ZNF608: variants seen among roughly 807,000 people sequenced by gnomAD.
ZNF608 encodes renal carcinoma antigen NY-REN-36.
ZNF608 carries 12 observed loss-of-function variants against 109.0 expected under a neutral mutation model. The observed-to-expected ratio is 0.11, with a 90% confidence interval of 0.07 to 0.18. The LOEUF (loss-of-function observed/expected upper bound fraction) is 0.18. Ranked by LOEUF, ZNF608 falls within the 10% of genes least tolerant of loss-of-function variation. ZNF608 has a pLI of 1.00. For synonymous variants in ZNF608, 732 were observed against 717.4 expected (o/e 1.02, Z -0.33); for missense variants, 1,707 against 1,879.3 (o/e 0.91, Z 1.70).
At chr5:124,737,051 G>C (rs762418537) in intron 2 of ZNF608, among the ~76,000 whole-genome samples, 8 of 152,050 alleles carry the variant, frequency 5.3e-5, no homozygotes, top group Non-Finnish European at 1.0e-4. Context: ...GGAAATAAGA[G>C]GAAAAGAAAA....
chr5:124,746,841 G>C, upstream of ZNF608: 1 of 914,778 alleles, frequency 1.1e-6, no homozygotes, highest in Non-Finnish European at 1.3e-6. Flanking sequence ...GAAAGGGTGG[G>C]ATGAGAAACT....
chr5:124,741,709 C>A (rs1749413496), intron 2 of ZNF608, among the ~76,000 whole-genome samples: 1 of 152,158 alleles, frequency 6.6e-6, no homozygotes, highest in Non-Finnish European at 1.5e-5. Context: ...TTTGATGCAA[C>A]CACTAGTTAG....
intron 3 of ZNF608, among the ~76,000 whole-genome samples, chr5:124,696,858 C>T (rs560524261): frequency 6.6e-6 from 1 of 152,252 alleles, no homozygotes; most frequent in East Asian, 1.9e-4. Flanking sequence ...AGGGCTAAGA[C>T]ATCAACTCTT....
upstream of ZNF608, chr5:124,748,456 G>C (rs1749714421): frequency 1.3e-6 from 1 of 796,832 alleles, no homozygotes; most frequent in Non-Finnish European, 1.5e-6. Flanking sequence ...TCATTTCTAT[G>C]CATAAAACTC....
At chr5:124,662,450 A>G (rs1033387756) in intron 3 of ZNF608, among the ~76,000 whole-genome samples, 4 of 152,240 alleles carry the variant, frequency 2.6e-5, no homozygotes, top group African/African-American at 9.6e-5. Flanking sequence ...ACTGGGGACT[A>G]AGGCGTGTGA....
chr5:124,739,908 G>A (rs898317284), intron 2 of ZNF608, among the ~76,000 whole-genome samples: 2 of 151,948 alleles, frequency 1.3e-5, no homozygotes, highest in African/African-American at 4.8e-5. Flanking sequence ...TAGCACTTTC[G>A]GCATACATTT....
rs1055705485 is a variant in ZNF608 at position 124,637,163 on chromosome 5, T to C, written c.*737A>G. On this transcript the variant is annotated 3_prime_UTR_variant, in exon 10 of 10. Coordinates refer to ENST00000513986, the MANE Select transcript of ZNF608 (RefSeq NM_020747.3). ...ACAGATGTCTCTGGTACGCAGGCTA[T>C]TGGGTTATTTGCCATTCAAGATTAT... 6.6e-6 allele frequency: 1 copy of C among 152,506 alleles called. No individual in the cohort carries two copies. Among genetic ancestry groups the C allele is most frequent in the Non-Finnish European group, 1.5e-5 (1 of 68,010 alleles). The allele number at this position is 152,506 out of a possible 1,614,324, so 9.4% of individuals were successfully genotyped here.
chr5:124,703,759 C>A (rs913420193), intron 2 of ZNF608, among the ~76,000 whole-genome samples: 1 of 152,106 alleles, frequency 6.6e-6, no homozygotes, highest in African/African-American at 2.4e-5. Context: ...CAAAGCAAGC[C>A]CCTGTCCCTT....
intron 3 of ZNF608, among the ~76,000 whole-genome samples, chr5:124,695,190 A>AACCCC (rs1752798734): frequency 6.6e-6 from 1 of 152,198 alleles, no homozygotes; most frequent in East Asian, 1.9e-4. Flanking sequence ...GGGTAACGAA[A>AACCCC]TACAGACATC....
At chr5:124,697,926 C>T (rs557720542) in intron 3 of ZNF608, among the ~76,000 whole-genome samples, 23 of 152,256 alleles carry the variant, frequency 1.5e-4, no homozygotes, top group South Asian at 8.3e-4. Context: ...TATGAACGCA[C>T]GTAACAAATT....
At chr5:124,719,991 G>A (rs1291780973) in intron 2 of ZNF608, among the ~76,000 whole-genome samples, 6 of 152,102 alleles carry the variant, frequency 3.9e-5, no homozygotes, top group South Asian at 2.1e-4. Flanking sequence ...TCTTATGATC[G>A]TTGAAGTCTG....
intron 3 of ZNF608, among the ~76,000 whole-genome samples, chr5:124,652,958 C>T (rs76891971): frequency 1.3e-5 from 2 of 152,138 alleles, no homozygotes; most frequent in African/African-American, 4.8e-5. Context: ...ATTCAAACAT[C>T]TAGCCAGTGA....
chr5:124,665,173 C>G (rs1383099799), intron 3 of ZNF608, among the ~76,000 whole-genome samples: 2 of 139,882 alleles, frequency 1.4e-5, no homozygotes, highest in South Asian at 2.3e-4. Flanking sequence ...GAGACTCCAC[C>G]TCCCCCCAAA....
At chr5:124,738,561 G>A (rs1216552701) in intron 2 of ZNF608, among the ~76,000 whole-genome samples, 2 of 152,140 alleles carry the variant, frequency 1.3e-5, no homozygotes, top group Non-Finnish European at 2.9e-5. Flanking sequence ...TGTTCAATGT[G>A]GCAATTATCT....
chr5:124,712,007 G>A (rs760187615), intron 2 of ZNF608, among the ~76,000 whole-genome samples: 1 of 152,064 alleles, frequency 6.6e-6, no homozygotes, highest in Non-Finnish European at 1.5e-5. Flanking sequence ...CAATTAGCCG[G>A]GTGTAGGTGT....
At chr5:124,724,275 A>C (rs1754050682) in intron 2 of ZNF608, among the ~76,000 whole-genome samples, 1 of 152,138 alleles carries the variant, frequency 6.6e-6, no homozygotes, top group Non-Finnish European at 1.5e-5. Context: ...TGTTCAAAAT[A>C]ATTGGCTCTA....
intron 2 of ZNF608, among the ~76,000 whole-genome samples, chr5:124,717,009 G>A (rs982562118): frequency 1.3e-5 from 2 of 152,072 alleles, no homozygotes; most frequent in Non-Finnish European, 2.9e-5. Context: ...TTGAACCTGG[G>A]AGACGGAGGT....
intron 3 of ZNF608, among the ~76,000 whole-genome samples, chr5:124,650,955 A>G (rs1228087128): frequency 6.6e-6 from 1 of 152,198 alleles, no homozygotes; most frequent in African/African-American, 2.4e-5. Flanking sequence ...AAATATTTCA[A>G]TGGTTGGGAC....
intron 3 of ZNF608, among the ~76,000 whole-genome samples, chr5:124,669,375 A>G (rs1420796790): frequency 2.0e-5 from 3 of 152,172 alleles, no homozygotes; most frequent in South Asian, 2.1e-4. Flanking sequence ...GCTTTCCACA[A>G]TGGAAGAAGA....
Sources: gnomAD v4.1 joint callset for allele counts (sites outside exome capture counted in the v4.1 genomes callset) on GRCh38, gnomAD v4.1.1 for gene constraint, MANE v1.5 for transcripts, NCBI Gene and HGNC (gene_info 2026-07-23, HGNC 2026-07-21) for gene names.